The following ZFHX4 variants were observed in gnomAD, a reference collection of about 807,000 sequenced individuals.
The protein encoded by ZFHX4 is zinc finger homeobox protein 4.
Under a neutral mutation model 267.6 loss-of-function variants are expected in ZFHX4, and 56 were observed. The observed-to-expected ratio is 0.21, with a 90% confidence interval of 0.17 to 0.26. The LOEUF (loss-of-function observed/expected upper bound fraction) is 0.26. Ranked by LOEUF, ZFHX4 falls within the 10% of genes least tolerant of loss-of-function variation. The pLI is 1.00. For synonymous variants in ZFHX4, 1,778 were observed against 1,665.6 expected (o/e 1.07, Z -1.64); for missense variants, 4,332 against 4,420.0 (o/e 0.98, Z 0.56).
At position 76,853,077 on chromosome 8, in the gene ZFHX4, TCCTCCTCCCCCCCCA is replaced by T; in HGVS notation, c.6165_6179del (p.Pro2057_Pro2061del). ...CACCACCACCACCTCCTCCTCCTCC[TCCTCCTCCCCCCCCA>T]CCTCCTCCACCTTCTGCTCCTCCAC... is the stretch of plus-strand genomic sequence containing the variant. On this transcript the variant is annotated inframe_deletion, in exon 10 of 11. Coordinates refer to ENST00000651372, the MANE Select transcript of ZFHX4 (RefSeq NM_024721.5). 1 of 421,554 alleles carries T rather than the reference TCCTCCTCCCCCCCCA, an allele frequency of 2.4e-6. No homozygotes were observed. Among genetic ancestry groups the T allele is most frequent in the Non-Finnish European group, 4.2e-6 (1 of 240,050 alleles). The allele number at this position is 421,554 out of a possible 1,614,324, so 26.1% of individuals were successfully genotyped here.
chr8:76,834,005 T>C, intron 5 of ZFHX4: 1 of 279,598 alleles, frequency 3.6e-6, no homozygotes, highest in Admixed American at 4.2e-5. Flanking sequence ...TTTAGATTGG[T>C]TTCATTCACT....
chr8:76,836,182 AG>A (rs1232963319), intron 5 of ZFHX4, among the ~76,000 whole-genome samples: 2 of 152,188 alleles, frequency 1.3e-5, no homozygotes, highest in Non-Finnish European at 2.9e-5. Flanking sequence ...TAAACAAAAA[AG>A]TATTTTCAGA....
At chr8:76,713,383 C>A (rs1024971087) in intron 3 of ZFHX4, among the ~76,000 whole-genome samples, 1 of 152,172 alleles carries the variant, frequency 6.6e-6, no homozygotes, top group Admixed American at 6.5e-5. Flanking sequence ...TAGCAACTTA[C>A]TACATCCATG....
At chr8:76,751,599 C>T (rs529268176) in intron 3 of ZFHX4, among the ~76,000 whole-genome samples, 22 of 152,178 alleles carry the variant, frequency 1.4e-4, no homozygotes, top group African/African-American at 5.1e-4. Context: ...TTCACTTTTA[C>T]CAGAATTTTT....
chr8:76,826,849 T>A (rs1245304521), intron 4 of ZFHX4, among the ~76,000 whole-genome samples: 1 of 152,238 alleles, frequency 6.6e-6, no homozygotes, highest in Non-Finnish European at 1.5e-5. Context: ...GTAAACCTCA[T>A]GTTTAGTGTT....
At chr8:76,788,316 A>G (rs1346281445) in intron 4 of ZFHX4, among the ~76,000 whole-genome samples, 1 of 152,160 alleles carries the variant, frequency 6.6e-6, no homozygotes, top group Non-Finnish European at 1.5e-5. Flanking sequence ...GCTAGCATTT[A>G]TTCTGAGGAA....
At chr8:76,783,785 C>A (rs959950072) in intron 4 of ZFHX4, among the ~76,000 whole-genome samples, 1 of 151,950 alleles carries the variant, frequency 6.6e-6, no homozygotes, top group East Asian at 1.9e-4. Context: ...AATGACTTTT[C>A]TTCTCTAACC....
chr8:76,784,207 T>C (rs1200419704), intron 4 of ZFHX4, among the ~76,000 whole-genome samples: 3 of 148,554 alleles, frequency 2.0e-5, no homozygotes, highest in Non-Finnish European at 3.0e-5. Context: ...TATTTGGGGG[T>C]TAAAGTTTTA....
chr8:76,845,902 T>G (rs1194968475), intron 6 of ZFHX4, among the ~76,000 whole-genome samples: 1 of 152,018 alleles, frequency 6.6e-6, no homozygotes, highest in Non-Finnish European at 1.5e-5. Flanking sequence ...AAATGACATT[T>G]TTTTTGAGGA....
chr8:76,762,042 T>G (rs1420084567), intron 3 of ZFHX4, among the ~76,000 whole-genome samples: 3 of 152,200 alleles, frequency 2.0e-5, no homozygotes, highest in African/African-American at 7.2e-5. Context: ...TCTACTCCTC[T>G]GGAGGACAGC....
In ZFHX4 at chr8:76,705,906, C is replaced by A. The variant is rs1317858046; in HGVS notation, c.1818C>A (p.Asp606Glu). The part of the protein sequence containing the change: ...STPGTPGPGG[D>E]GSPGSGIECP... ...CTGGCACACCAGGGCCTGGAGGAGA[C>A]GGCTCACCGGGCAGTGGCATCGAGT... is the stretch of plus-strand genomic sequence containing the variant. The change falls in exon 2 of 11, where the codon GAC (aspartate) becomes GAA (glutamate). Residue 606 changes from aspartate (D) to glutamate (E), a missense_variant. Asp to Glu is a conservative substitution (Grantham distance 45). Around this residue, in one of 7 missense-constraint regions of ZFHX4, gnomAD observed 1,195 missense variants for 1,173.6 expected, o/e 1.02. Coordinates refer to ENST00000651372, the MANE Select transcript of ZFHX4 (RefSeq NM_024721.5). The A allele has an allele frequency of 2.5e-6, 4 of 1,613,518 alleles. No individual in the cohort carries two copies. The highest frequency in any genetic ancestry group is 3.4e-6 in the Non-Finnish European group (4 of 1,179,854).
intron 4 of ZFHX4, among the ~76,000 whole-genome samples, chr8:76,797,233 A>G (rs1309658311): frequency 6.6e-6 from 1 of 152,220 alleles, no homozygotes; most frequent in Non-Finnish European, 1.5e-5. Context: ...GCACTAATAC[A>G]TGAATTTGGA....
At chr8:76,786,833 C>T (rs1397178037) in intron 4 of ZFHX4, among the ~76,000 whole-genome samples, 1 of 152,106 alleles carries the variant, frequency 6.6e-6, no homozygotes, top group Non-Finnish European at 1.5e-5. Context: ...CTGTTCACAG[C>T]ACTTTTGAGG....
chr8:76,727,040 AG>A (rs1808871410), intron 3 of ZFHX4, among the ~76,000 whole-genome samples: 1 of 152,136 alleles, frequency 6.6e-6, no homozygotes, highest in African/African-American at 2.4e-5. Flanking sequence ...TCACTTCTCC[AG>A]TGTCTGGAAG....
intron 10 of ZFHX4, among the ~76,000 whole-genome samples, chr8:76,861,656 C>T (rs960421100): frequency 4.6e-5 from 7 of 150,908 alleles, no homozygotes; most frequent in African/African-American, 9.8e-5. Context: ...TAAGCTTTCT[C>T]GGTTGGGTAA....
At chr8:76,719,823 T>C (rs1808672224) in intron 3 of ZFHX4, among the ~76,000 whole-genome samples, 2 of 152,268 alleles carry the variant, frequency 1.3e-5, no homozygotes, top group South Asian at 2.1e-4. Flanking sequence ...GCAATCCCAA[T>C]ATTGAAGTAT....
chr8:76,856,362 G>A, intron 10 of ZFHX4, 62 bp downstream of exon 10: 1 of 1,580,176 alleles, frequency 6.3e-7, no homozygotes, highest in Non-Finnish European at 8.6e-7. Flanking sequence ...ACAGTCACAT[G>A]TAACCAAGAA....
At chr8:76,693,612 T>C (rs532712703) in intron 1 of ZFHX4, 2 of 152,356 alleles carry the variant, frequency 1.3e-5, no homozygotes, top group South Asian at 2.1e-4. Flanking sequence ...TAATTTGTTA[T>C]GCTTACGCTG....
At position 76,863,650 on chromosome 8, in the gene ZFHX4, A is replaced by C. The variant is rs1586026193; in HGVS notation, c.9936A>C (p.Pro3312=). ...TMPQTLAGLS[P]GALLQQYQQY... ...CCCAGACACTGGCAGGTCTGTCCCC[A>C]GGTGCACTGTTGCAGCAGTACCAAC... is the stretch of plus-strand genomic sequence containing the variant. The change falls in exon 11 of 11, where the codon CCA becomes CCC. Residue 3312 remains proline (P), a synonymous_variant. Coordinates refer to ENST00000651372, the MANE Select transcript of ZFHX4 (RefSeq NM_024721.5). The C allele has an allele frequency of 1.2e-6, 2 of 1,611,524 alleles. No individual in the cohort carries two copies. Among genetic ancestry groups the C allele is most frequent in the Non-Finnish European group, 1.7e-6 (2 of 1,178,722 alleles).
Sources: gnomAD v4.1 joint callset for allele counts (sites outside exome capture counted in the v4.1 genomes callset) on GRCh38, gnomAD v4.1.1 for gene constraint, gnomAD v4.1.1 regional missense constraint, MANE v1.5 for transcripts, NCBI Gene and HGNC (gene_info 2026-07-23, HGNC 2026-07-21) for gene names.